Variants in SNTG2 observed in about 807,000 individuals in gnomAD.
SNTG2 encodes the protein syntrophin gamma 2.
SNTG2 carries 74 observed loss-of-function variants against 70.9 expected under a neutral mutation model. The observed-to-expected ratio is 1.04, with a 90% CI of 0.86 to 1.27. The LOEUF is 1.27. Ranked by LOEUF, SNTG2 falls within the 50% of genes most tolerant of loss-of-function variation. The pLI, the probability that SNTG2 is intolerant of heterozygous loss-of-function variation, is 0.00. For missense variants in SNTG2, 717 were observed against 690.7 expected, an observed-to-expected ratio of 1.04 and a Z score of -0.43; for synonymous variants, 278 against 273.8, an observed-to-expected ratio of 1.02 and a Z score of -0.15.
chr2:1,007,389 G>T (rs1048022564), intron 1 of SNTG2, among the ~76,000 whole-genome samples: 3 of 152,234 alleles, frequency 2.0e-5, no homozygotes, highest in Admixed American at 6.5e-5. Flanking sequence ...TTTGGTGTTT[G>T]ATGGACTCAC....
intron 8 of SNTG2, among the ~76,000 whole-genome samples, chr2:1,177,680 AT>A (rs1360440183): frequency 6.8e-6 from 1 of 147,784 alleles, no homozygotes; most frequent in African/African-American, 2.6e-5. Flanking sequence ...AAAGAAAAAA[AT>A]AATATATTTT....
chr2:1,284,794 A>C (rs1679700308), intron 14 of SNTG2, among the ~76,000 whole-genome samples: 1 of 152,144 alleles, frequency 6.6e-6, no homozygotes, highest in South Asian at 2.1e-4. Flanking sequence ...TGTAATTAAA[A>C]TATTCAGTTT....
chr2:1,116,542 C>T (rs1666983078), intron 4 of SNTG2, among the ~76,000 whole-genome samples: 1 of 137,708 alleles, frequency 7.3e-6, no homozygotes, highest in Non-Finnish European at 1.6e-5. Context: ...GTATGAGTGC[C>T]CTGGTGTGTG....
At chr2:1,240,453 A>C (rs1048614269) in intron 11 of SNTG2, among the ~76,000 whole-genome samples, 1 of 152,214 alleles carries the variant, frequency 6.6e-6, no homozygotes. Context: ...TGTTTCCTTT[A>C]TAATAAACTT....
At chr2:1,095,791 A>T (rs1558393073) in intron 2 of SNTG2, among the ~76,000 whole-genome samples, 1 of 152,126 alleles carries the variant, frequency 6.6e-6, no homozygotes, top group Non-Finnish European at 1.5e-5. Context: ...ACAATTTTAA[A>T]ATGTTATTGA....
At chr2:1,225,068 G>A (rs913866216) in intron 9 of SNTG2, among the ~76,000 whole-genome samples, 3 of 152,214 alleles carry the variant, frequency 2.0e-5, no homozygotes, top group Admixed American at 2.0e-4. Context: ...CGGAGACTGA[G>A]TTCTTTATAA....
intron 1 of SNTG2, among the ~76,000 whole-genome samples, chr2:1,042,914 A>AT (rs1329524357): frequency 6.6e-6 from 1 of 152,158 alleles, no homozygotes; most frequent in Non-Finnish European, 1.5e-5. Context: ...TTGAATGGTA[A>AT]TGTGATTTTA....
At chr2:1,324,500 A>G (rs1681682673) in intron 16 of SNTG2, among the ~76,000 whole-genome samples, 1 of 152,270 alleles carries the variant, frequency 6.6e-6, no homozygotes, top group African/African-American at 2.4e-5. Flanking sequence ...TAAAAACTTC[A>G]TGAATAAAAT....
intron 1 of SNTG2, among the ~76,000 whole-genome samples, chr2:958,898 A>G (rs907231724): frequency 2.6e-5 from 4 of 152,206 alleles, no homozygotes; most frequent in African/African-American, 9.6e-5. Context: ...TATCTAAAAC[A>G]ATGATGCTTG....
chr2:1,150,280 G>T (rs1669393310), intron 6 of SNTG2, among the ~76,000 whole-genome samples: 1 of 152,150 alleles, frequency 6.6e-6, no homozygotes, highest in African/African-American at 2.4e-5. Flanking sequence ...AGATCTGTGG[G>T]CAGTGCTAAC....
chr2:1,337,914 T>C (rs138822127), intron 16 of SNTG2, among the ~76,000 whole-genome samples: 41 of 152,302 alleles, frequency 2.7e-4, no homozygotes, highest in African/African-American at 9.9e-4. Context: ...TTCATTGTTT[T>C]GCAACCGGAT....
chr2:1,138,448 C>G (rs1430901356), intron 6 of SNTG2, among the ~76,000 whole-genome samples: 1 of 152,180 alleles, frequency 6.6e-6, no homozygotes, highest in Non-Finnish European at 1.5e-5. Context: ...CGAGTGCAGC[C>G]TCACCATAGG....
At chr2:1,233,320 A>G (rs541162871) in intron 9 of SNTG2, among the ~76,000 whole-genome samples, 1 of 152,280 alleles carries the variant, frequency 6.6e-6, no homozygotes, top group Admixed American at 6.5e-5. Context: ...TTTAATGACA[A>G]CTGCTAATGC....
intron 4 of SNTG2, among the ~76,000 whole-genome samples, chr2:1,101,459 T>G (rs1665776056): frequency 6.6e-6 from 1 of 152,254 alleles, no homozygotes; most frequent in African/African-American, 2.4e-5. Flanking sequence ...TTGGGAGTTT[T>G]TAGGGATCAG....
intron 4 of SNTG2, chr2:1,102,589 C>T (rs1362414810): frequency 6.6e-6 from 1 of 152,220 alleles, no homozygotes; most frequent in Non-Finnish European, 1.5e-5. Flanking sequence ...CGACACAGGT[C>T]CTGGGTTGTT....
At chr2:965,174 AATCCTCCTCCT>A (rs1353604370) in intron 1 of SNTG2, among the ~76,000 whole-genome samples, 1 of 116,518 alleles carries the variant, frequency 8.6e-6, no homozygotes. Context: ...CTTGGACCCC[AATCCTCCTCCT>A]GGTCCCCAGT....
Position 1,237,937 on chromosome 2 carries a change from C to A in SNTG2, c.769C>A (p.Leu257Ile), listed in dbSNP as rs1192912880. ...LALDGVSSGI[L>I]RFYTAQDGTD... ...CCTGGACGGAGTCAGCTCTGGGATC[C>A]TCCGGTTTTACACAGCCCAGGATGG... The change falls in exon 10 of 17, where the codon CTC becomes ATC. Residue 257 changes from leucine (L) to isoleucine (I), a missense_variant. Physicochemically the swap from Leu to Ile is conservative, Grantham distance 5. Coordinates refer to ENST00000308624, the MANE Select transcript of SNTG2 (RefSeq NM_018968.4). The A allele has an allele frequency of 2.5e-6, 4 of 1,607,692 alleles. No individual in the cohort carries two copies. In the African/African-American group the frequency reaches 5.3e-5, roughly 21 times the overall value.
chr2:1,283,305 C>T (rs573495421), intron 14 of SNTG2, among the ~76,000 whole-genome samples: 1 of 152,298 alleles, frequency 6.6e-6, no homozygotes, highest in African/African-American at 2.4e-5. Flanking sequence ...CACCCAGACC[C>T]CTGCCAATCC....
intron 8 of SNTG2, among the ~76,000 whole-genome samples, chr2:1,179,700 G>T (rs1221682217): frequency 6.6e-6 from 1 of 151,674 alleles, no homozygotes; most frequent in African/African-American, 2.4e-5. Context: ...TTTCTTCACA[G>T]AATTGGAAAA....
Sources: gnomAD v4.1 joint callset for allele counts (sites outside exome capture counted in the v4.1 genomes callset) on GRCh38, gnomAD v4.1.1 for gene constraint, MANE v1.5 for transcripts, NCBI Gene and HGNC (gene_info 2026-07-23, HGNC 2026-07-21) for gene names.